Variants in GRID1 observed in about 807,000 individuals in gnomAD.
The protein encoded by GRID1 is glutamate receptor ionotropic, delta-1.
In GRID1, 28 loss-of-function variants were observed where a neutral mutation model predicts 98.0. The observed-to-expected ratio is 0.29, with a 90% CI of 0.21 to 0.39. The LOEUF is 0.39. Among genes scored for constraint, GRID1 ranks in the 10% least tolerant of loss-of-function variants. The pLI is 1.00. For missense variants in GRID1, 1,111 were observed against 1,340.5 expected (o/e 0.83, Z 2.67); for synonymous variants, 553 against 538.5 (o/e 1.03, Z -0.37).
At chr10:86,072,111 G>A (rs1005511869) in intron 4 of GRID1, among the ~76,000 whole-genome samples, 4 of 152,178 alleles carry the variant, frequency 2.6e-5, no homozygotes, top group African/African-American at 9.7e-5. Context: ...GGGAGCTAAA[G>A]GAGCAGGACA....
chr10:85,793,661 G>T (rs1420127684), intron 8 of GRID1, among the ~76,000 whole-genome samples: 1 of 152,064 alleles, frequency 6.6e-6, no homozygotes, highest in East Asian at 1.9e-4. Context: ...CATTTACAAG[G>T]TACGGCACAT....
chr10:85,641,498 A>T (rs1843117456), intron 13 of GRID1, among the ~76,000 whole-genome samples: 1 of 152,164 alleles, frequency 6.6e-6, no homozygotes, highest in Non-Finnish European at 1.5e-5. Context: ...AGGGGGTGGA[A>T]ACACATTGAG....
At chr10:85,718,807 G>T (rs937689126) in intron 12 of GRID1, among the ~76,000 whole-genome samples, 6 of 152,294 alleles carry the variant, frequency 3.9e-5, no homozygotes, top group African/African-American at 1.2e-4. Context: ...TTTTCCCCAC[G>T]GTCTTGGGGA....
chr10:86,212,531 G>C (rs1390005344), intron 2 of GRID1, among the ~76,000 whole-genome samples: 1 of 152,194 alleles, frequency 6.6e-6, no homozygotes, highest in Non-Finnish European at 1.5e-5. Flanking sequence ...GCAAACCCGG[G>C]CTCAGCCCTG....
At chr10:85,662,917 C>T (rs563162678) in intron 12 of GRID1, among the ~76,000 whole-genome samples, 3 of 152,230 alleles carry the variant, frequency 2.0e-5, no homozygotes, top group South Asian at 2.1e-4. Flanking sequence ...CTCCAGCAGC[C>T]GCTCCGATAC....
chr10:85,816,866 C>T (rs1842720943), intron 8 of GRID1, among the ~76,000 whole-genome samples: 1 of 152,134 alleles, frequency 6.6e-6, no homozygotes, highest in Admixed American at 6.5e-5. Flanking sequence ...CCACTCTTCA[C>T]CCTCAAGTAG....
intron 2 of GRID1, among the ~76,000 whole-genome samples, chr10:86,207,207 T>C (rs979808443): frequency 6.6e-6 from 1 of 151,630 alleles, no homozygotes. Flanking sequence ...AGGAAAAAAA[T>C]AAAAAAGAAA....
chr10:85,826,361 A>C (rs1024961144), intron 8 of GRID1, among the ~76,000 whole-genome samples: 2 of 152,068 alleles, frequency 1.3e-5, no homozygotes, highest in African/African-American at 2.4e-5. Flanking sequence ...AACAAAACCC[A>C]AGCAAAAGTC....
intron 12 of GRID1, among the ~76,000 whole-genome samples, chr10:85,717,729 A>G (rs1051699749): frequency 2.0e-5 from 3 of 152,218 alleles, no homozygotes; most frequent in Non-Finnish European, 4.4e-5. Flanking sequence ...AAAAGTTCAC[A>G]GTCCAAAGTC....
intron 8 of GRID1, among the ~76,000 whole-genome samples, chr10:85,755,783 A>T (rs1437877012): frequency 6.6e-6 from 1 of 152,054 alleles, no homozygotes; most frequent in Admixed American, 6.5e-5. Context: ...GGTGACCTAG[A>T]TGGAAAAGGT....
At chr10:86,027,122 C>T (rs531536391) in intron 4 of GRID1, among the ~76,000 whole-genome samples, 2 of 152,348 alleles carry the variant, frequency 1.3e-5, no homozygotes, top group African/African-American at 4.8e-5. Flanking sequence ...ATATACATGA[C>T]ATAAAATCCA....
chr10:85,999,357 G>A (rs1002183017), intron 4 of GRID1, among the ~76,000 whole-genome samples: 1 of 151,924 alleles, frequency 6.6e-6, no homozygotes, highest in Non-Finnish European at 1.5e-5. Context: ...TTCAGTACTA[G>A]ATGATTTTAC....
In GRID1 at chr10:85,994,615, C is replaced by T. The variant is rs552117520; in HGVS notation, c.727-78376G>A. Among the ~76,000 whole-genome samples the T allele has an allele frequency of 2.0e-5, 3 of 152,294 alleles. No homozygotes were observed. The East Asian group carries it at 5.8e-4, about 29-fold the overall frequency. On this transcript the variant is annotated intron_variant, in intron 4 of 15. Coordinates refer to ENST00000327946, the MANE Select transcript of GRID1 (RefSeq NM_017551.3). ...TTGGAATATGGATACACACATGCTG[C>T]CACTTATTGGTGAGCTGTTAGATAC...
chr10:85,734,143 A>G (rs1163948760), intron 8 of GRID1, among the ~76,000 whole-genome samples: 1 of 152,148 alleles, frequency 6.6e-6, no homozygotes, highest in Non-Finnish European at 1.5e-5. Context: ...ATTTTGGTCT[A>G]GGGGTGCTTT....
chr10:86,130,467 C>G (rs751580000), intron 4 of GRID1, among the ~76,000 whole-genome samples: 8 of 152,234 alleles, frequency 5.3e-5, no homozygotes, highest in Non-Finnish European at 1.2e-4. Context: ...CCCCAAATCC[C>G]AGGCTCCATA....
intron 4 of GRID1, among the ~76,000 whole-genome samples, chr10:86,088,130 T>G (rs1259385475): frequency 2.0e-5 from 3 of 152,208 alleles, no homozygotes; most frequent in African/African-American, 7.2e-5. Flanking sequence ...AATTCTCAAG[T>G]TTCCCCAGAG....
intron 2 of GRID1, among the ~76,000 whole-genome samples, chr10:86,269,201 A>C (rs1251871790): frequency 6.6e-6 from 1 of 152,062 alleles, no homozygotes; most frequent in Non-Finnish European, 1.5e-5. Flanking sequence ...AACATTGAGA[A>C]TTTTCCATTG....
At chr10:86,055,776 G>A (rs1015714126) in intron 4 of GRID1, among the ~76,000 whole-genome samples, 2 of 151,724 alleles carry the variant, frequency 1.3e-5, no homozygotes, top group Non-Finnish European at 2.9e-5. Flanking sequence ...GAAGGAGAAG[G>A]AGAAGAAACG....
chr10:86,194,709 C>T (rs1242604224), intron 3 of GRID1, among the ~76,000 whole-genome samples: 1 of 152,096 alleles, frequency 6.6e-6, no homozygotes, highest in Non-Finnish European at 1.5e-5. Context: ...TCTTCCCACT[C>T]CCCTTAGAAC....
Sources: gnomAD v4.1 joint callset for allele counts (sites outside exome capture counted in the v4.1 genomes callset) on GRCh38, gnomAD v4.1.1 for gene constraint, MANE v1.5 for transcripts, NCBI Gene and HGNC (gene_info 2026-07-23, HGNC 2026-07-21) for gene names.